Variants in SCML2 observed in about 807,000 individuals in gnomAD.
The protein encoded by SCML2 is sex comb on midleg-like protein 2.
SCML2 carries 6 observed loss-of-function variants against 48.4 expected under a neutral mutation model. The ratio of observed to expected loss-of-function variants is 0.12; its 90% CI spans 0.07 to 0.24. SCML2 has a LOEUF of 0.24. Among genes scored for constraint, SCML2 ranks in the 10% least tolerant of loss-of-function variants. SCML2 has a pLI of 1.00. For missense variants in SCML2, 377 were observed against 528.2 expected, an observed-to-expected ratio of 0.71 and a Z score of 2.81; for synonymous variants, 181 against 189.5, an observed-to-expected ratio of 0.95 and a Z score of 0.37.
At chrX:18,244,680 T>A (rs1372838614) in intron 13 of SCML2, among the ~76,000 whole-genome samples, 1 of 111,754 alleles carries the variant, frequency 8.9e-6, no homozygotes, top group Non-Finnish European at 1.9e-5. Context: ...CTCTGTCTTA[T>A]ATACACTGGC....
At chrX:18,309,188 G>A (rs1426460206) in intron 6 of SCML2, among the ~76,000 whole-genome samples, 2 of 87,971 alleles carry the variant, frequency 2.3e-5, no homozygotes, top group African/African-American at 9.2e-5. Context: ...GAGACAGAAT[G>A]AGACTCTGTC....
intron 7 of SCML2, among the ~76,000 whole-genome samples, chrX:18,283,836 A>T (rs760470758): frequency 8.9e-6 from 1 of 112,508 alleles, no homozygotes; most frequent in East Asian, 2.8e-4. Context: ...GGAAGACTCA[A>T]TATCATTAAA....
At chrX:18,354,460 G>C (rs2147581354) in intron 1 of SCML2, 132 bp downstream of exon 1, 1 of 227,450 alleles carries the variant, frequency 4.4e-6, no homozygotes, top group East Asian at 6.6e-5. Context: ...GACATAGGCG[G>C]GATCGTAAGG....
At chrX:18,254,872 C>T (rs1379500627) in intron 11 of SCML2, among the ~76,000 whole-genome samples, 2 of 111,214 alleles carry the variant, frequency 1.8e-5, no homozygotes, top group African/African-American at 3.3e-5. Flanking sequence ...TGCAGCGAGC[C>T]GAGATGGTGT....
intron 7 of SCML2, among the ~76,000 whole-genome samples, chrX:18,304,096 G>A (rs1928680492): frequency 9.0e-6 from 1 of 111,520 alleles, no homozygotes; most frequent in Non-Finnish European, 1.9e-5. Context: ...CAGGAGTGCA[G>A]TGGCGCGATC....
chrX:18,326,845 G>A (rs1412996003), intron 3 of SCML2, among the ~76,000 whole-genome samples: 1 of 111,199 alleles, frequency 9.0e-6, no homozygotes, highest in Non-Finnish European at 1.9e-5. Context: ...TACTAGATAT[G>A]TTGAGAGCTA....
intron 7 of SCML2, among the ~76,000 whole-genome samples, chrX:18,277,627 G>A (rs1416782437): frequency 1.8e-5 from 2 of 111,130 alleles, no homozygotes; most frequent in Non-Finnish European, 3.8e-5. Flanking sequence ...AATTAATGAG[G>A]AGGAAAATGA....
chrX:18,305,762 TAA>T (rs1371129846), intron 6 of SCML2, among the ~76,000 whole-genome samples: 1 of 97,262 alleles, frequency 1.0e-5, no homozygotes. Context: ...ACTTAAAATT[TAA>T]AAAAAAAAAA....
At position 18,260,147 on chromosome X, in the gene SCML2, A is replaced by G. The variant is rs1457508484; in HGVS notation, c.1069+24T>C. ...CAGGATAAAAGATTAGTAATTCTAT[A>G]CTATTTTTAAAATATGAATTTACCT... On this transcript the variant is annotated intron_variant, in intron 9 of 14. Coordinates refer to ENST00000251900, the MANE Select transcript of SCML2 (RefSeq NM_006089.3). 2.8e-6 allele frequency: 3 copies of G among 1,088,723 alleles called. No individual in the cohort carries two copies. The South Asian group carries it at 7.0e-5, about 25-fold the overall frequency. 89.7% of individuals were successfully genotyped at this position (1,088,723 alleles called of 1,213,427 possible).
At chrX:18,335,444 C>T (rs1303181866) in intron 1 of SCML2, among the ~76,000 whole-genome samples, 1 of 111,278 alleles carries the variant, frequency 9.0e-6, no homozygotes, top group Non-Finnish European at 1.9e-5. Flanking sequence ...ATCCAGGCTG[C>T]AGTAAGCTGT....
intron 3 of SCML2, among the ~76,000 whole-genome samples, chrX:18,329,359 A>G (rs1486564419): frequency 2.7e-5 from 3 of 111,253 alleles, no homozygotes; most frequent in Non-Finnish European, 5.7e-5. Flanking sequence ...GTGAGAGAAC[A>G]ACAATTCCGT....
intron 1 of SCML2, among the ~76,000 whole-genome samples, chrX:18,341,538 T>C (rs1930014037): frequency 9.0e-6 from 1 of 111,614 alleles, no homozygotes; most frequent in African/African-American, 3.3e-5. Flanking sequence ...TGGGATATTA[T>C]AGAAAATTAT....
rs895896076 is a variant in SCML2 at position 18,240,323 on chromosome X, A to G, written c.*928T>C. ...GTGTGTAAACCTACAGGTATAAAAC[A>G]ATATATAAATATGGTAAAGTACCAT... On this transcript the variant is annotated 3_prime_UTR_variant, in exon 15 of 15. Coordinates refer to ENST00000251900, the MANE Select transcript of SCML2 (RefSeq NM_006089.3). 1.1e-4 allele frequency: 12 copies of G among 112,775 alleles called. No homozygotes were observed. Among genetic ancestry groups the G allele is most frequent in the African/African-American group, 3.6e-4 (11 of 30,966 alleles). 9.3% of individuals were successfully genotyped at this position (112,775 alleles called of 1,213,427 possible).
intron 1 of SCML2, among the ~76,000 whole-genome samples, chrX:18,351,674 C>G (rs865809389): frequency 3.7e-5 from 3 of 80,595 alleles, no homozygotes; most frequent in Non-Finnish European, 7.2e-5. Context: ...AATAACCAGG[C>G]AAAAAAAAAA....
At chrX:18,354,005 G>C (rs1014799314) in intron 1 of SCML2, among the ~76,000 whole-genome samples, 2 of 112,249 alleles carry the variant, frequency 1.8e-5, no homozygotes, top group Non-Finnish European at 3.8e-5. Flanking sequence ...CGGACGGGAC[G>C]CGCATTCCGG....
intron 7 of SCML2, among the ~76,000 whole-genome samples, chrX:18,296,621 A>G (rs2147514535): frequency 9.0e-6 from 1 of 111,713 alleles, no homozygotes; most frequent in South Asian, 3.7e-4. Flanking sequence ...ATTATGAACA[A>G]CTATACACTA....
chrX:18,324,762 T>C (rs1029211769), intron 4 of SCML2, 145 bp downstream of exon 4: 1 of 428,099 alleles, frequency 2.3e-6, no homozygotes, highest in Non-Finnish European at 4.2e-6. Context: ...AAGTTCTTAA[T>C]GAATGCAAAG....
chrX:18,260,134 T>G (rs776695665), intron 9 of SCML2, 37 bp downstream of exon 9: 2 of 1,011,979 alleles, frequency 2.0e-6, no homozygotes, highest in South Asian at 5.2e-5. Flanking sequence ...GGATAAAAGA[T>G]TAGTAATTCT....
At chrX:18,320,191 G>T in intron 6 of SCML2, 141 bp downstream of exon 6, 1 of 370,114 alleles carries the variant, frequency 2.7e-6, no homozygotes, top group Non-Finnish European at 4.7e-6. Flanking sequence ...CTTTGTTATG[G>T]CAACCCTAGC....
Sources: gnomAD v4.1 joint callset for allele counts (sites outside exome capture counted in the v4.1 genomes callset) on GRCh38, gnomAD v4.1.1 for gene constraint, MANE v1.5 for transcripts, NCBI Gene and HGNC (gene_info 2026-07-23, HGNC 2026-07-21) for gene names.